The following LILRB1 variants were observed in gnomAD, a reference collection of about 807,000 sequenced individuals.
LILRB1 encodes leukocyte immunoglobulin like receptor B1, also known as leukocyte immunoglobulin-like receptor subfamily B member 1.
A neutral mutation model predicts 74.6 loss-of-function variants in LILRB1; 59 were observed. The ratio of observed to expected loss-of-function variants is 0.79; its 90% CI spans 0.64 to 0.98. LILRB1 has a LOEUF of 0.98. LILRB1 is among the 50% of genes least tolerant of loss of function. The pLI is 0.00. For synonymous variants in LILRB1, 328 were observed against 333.9 expected (o/e 0.98, Z 0.19); for missense variants, 804 against 822.6 (o/e 0.98, Z 0.28).
In LILRB1 at chr19:54,632,028, T is replaced by C. The variant is rs1482014567; in HGVS notation, c.452T>C (p.Phe151Ser). 1.9e-6 allele frequency: 3 copies of C among 1,614,098 alleles called. No homozygotes were observed. Among genetic ancestry groups the C allele is most frequent in the African/African-American group, 1.3e-5 (1 of 74,958 alleles). Residue 151 changes from phenylalanine (F) to serine (S), a missense_variant, in exon 5 of 15, where the codon TTT becomes TCT. By Grantham distance (155) the Phe-to-Ser change is radical. Transcript: ENST00000324602. ...CTCCAGTGTGACTCACAGGTGGCATTTGATGGCTTCATTCTGTGTAAGGAA... is the reference window on the plus strand; with the variant it reads ...CTCCAGTGTGACTCACAGGTGGCATCTGATGGCTTCATTCTGTGTAAGGAA... ...VTLQCDSQVA[F>S]DGFILCKEGE...
chr19:54,636,640 G>A lies in LILRB1; in HGVS notation c.1800G>A (p.Gln600=), dbSNP rs199541342. 1 of 1,611,040 alleles carries A rather than the reference G, an allele frequency of 6.2e-7. No homozygotes were observed. Among genetic ancestry groups the A allele is most frequent in the African/African-American group, 1.3e-5 (1 of 74,822 alleles). The change falls in exon 14 of 15, where the codon CAG becomes CAA. Residue 600 remains glutamine (Q), a synonymous_variant. Transcript: ENST00000324602. ...ACAGACAGGCGGAAGAGGACAGGCA[G>A]ATGGACACTGAGGTGAGTCCTTTCC... ...TKDRQAEEDR[Q]MDTEAAASEA...
upstream of LILRB1, among the ~76,000 whole-genome samples, chr19:54,627,519 C>T (rs2063628044): frequency 6.6e-6 from 1 of 152,200 alleles, no homozygotes; most frequent in African/African-American, 2.4e-5. Flanking sequence ...ATGTCCTTCA[C>T]CCCCTCCTGC....
intron 10 of LILRB1, 73 bp downstream of exon 10, chr19:54,634,836 C>T: frequency 1.3e-6 from 2 of 1,569,578 alleles, no homozygotes; most frequent in Non-Finnish European, 1.7e-6. Context: ...AGAATCCAAA[C>T]CACTGGGCAA....
At chr19:54,617,549 A>ATGTG (rs1244226423) in intron 1 of LILRB1, among the ~76,000 whole-genome samples, 1 of 98,542 alleles carries the variant, frequency 1.0e-5, no homozygotes, top group African/African-American at 3.7e-5. Context: ...AAGCTACAGG[A>ATGTG]TGTCTGTGTG....
At chr19:54,630,840 C>A in intron 1 of LILRB1, 186 bp from the exon 2 acceptor site, 1 of 829,056 alleles carries the variant, frequency 1.2e-6, no homozygotes, top group Non-Finnish European at 2.0e-6. Flanking sequence ...CAGGAAAGGG[C>A]CCATTACCAT....
At chr19:54,636,313 G>A (rs1438221073) in intron 13 of LILRB1, 181 bp from the exon 14 acceptor site, 1 of 1,263,720 alleles carries the variant, frequency 7.9e-7, no homozygotes, top group East Asian at 2.5e-5. Flanking sequence ...GGCAACGTCA[G>A]AGTGAGGAGC....
chr19:54,631,582 G>C lies in LILRB1; in HGVS notation c.153G>C (p.Gly51=). The part of the protein sequence containing the change: ...QGSPVTLRCQ[G]GQETQEYRLY... The stretch of plus-strand genomic sequence containing the variant: ...GTCCTGTGACCCTCAGGTGTCAGGG[G>C]GGCCAGGAGACCCAGGAGTACCGTC... Residue 51 remains glycine, a synonymous_variant, in exon 4 of 15, where the codon GGG becomes GGC. Transcript: ENST00000324602. 6 of 1,614,258 alleles carry C rather than the reference G, an allele frequency of 3.7e-6. No individual in the cohort carries two copies. Among genetic ancestry groups the C allele is most frequent in the Non-Finnish European group, 5.1e-6 (6 of 1,180,028 alleles).
At chr19:54,634,605 G>A (rs775689857) in intron 9 of LILRB1, 36 bp from the exon 10 acceptor site, 7 of 1,586,872 alleles carry the variant, frequency 4.4e-6, no homozygotes, top group Non-Finnish European at 8.6e-7. Flanking sequence ...TCATTTCAAT[G>A]ACATCACCCC....
Position 54,635,259 on chromosome 19 carries a change from G to T in LILRB1, c.1563G>T (p.Arg521Ser). Residue 521 changes from arginine (R) to serine (S), a missense_variant and splice_region_variant, in exon 12 of 15, where the codon AGG becomes AGT. By Grantham distance (110) the Arg-to-Ser change is moderately radical. Transcript: ENST00000324602. Reference protein sequence around the residue: ...PEPTDRGLQWRSSPAADAQEE... With the variant: ...PEPTDRGLQWSSSPAADAQEE... The stretch of plus-strand genomic sequence containing the variant: ...CCTAAAGCTCCCATTCTTCCCCCAG[G>T]TCCAGCCCAGCTGCCGATGCCCAGG... 1 of 1,612,318 alleles carries T rather than the reference G, an allele frequency of 6.2e-7. No individual in the cohort carries two copies.
upstream of LILRB1, among the ~76,000 whole-genome samples, chr19:54,627,405 CCCA>C (rs1325310498): frequency 1.8e-4 from 27 of 151,680 alleles, no homozygotes; most frequent in South Asian, 3.8e-3. Context: ...AAGCTCAGAC[CCCA>C]CAGGGCCAGG....
chr19:54,622,569 T>C lies in LILRB1; in HGVS notation c.-166+5220T>C, dbSNP rs1120181. On this transcript the variant is annotated intron_variant, in intron 1 of 15. Transcript: ENST00000396331. Reference sequence around the variant, plus strand: ...TCACTTACCAAGTCTACGAGTCTTCTGGAAGAATCTTCAGGGTTTTCTGGG... The same window carrying C: ...TCACTTACCAAGTCTACGAGTCTTCCGGAAGAATCTTCAGGGTTTTCTGGG... 9.1e-3 allele frequency among the ~76,000 whole-genome samples: 1,387 copies of C among 152,328 alleles called. 29 individuals are homozygous for C. Among genetic ancestry groups the C allele is most frequent in the African/African-American group, 0.032 (1,322 of 41,570 alleles).
intron 1 of LILRB1, among the ~76,000 whole-genome samples, chr19:54,622,812 T>A (rs8108712): frequency 0.58 from 88,894 of 151,982 alleles, 27,107 homozygotes; most frequent in South Asian, 0.69. Flanking sequence ...TGCGTTTGTC[T>A]TATAAGGCTC....
intron 7 of LILRB1, 113 bp downstream of exon 7, chr19:54,633,431 T>C: frequency 7.1e-7 from 1 of 1,415,508 alleles, no homozygotes; most frequent in South Asian, 1.4e-5. Context: ...GCTCAGCCAG[T>C]GGGAGACTCA....
In LILRB1 at chr19:54,633,327, C is replaced by T; in HGVS notation, c.1261+9C>T. On this transcript the variant is annotated intron_variant, in intron 7 of 14. Transcript: ENST00000324602. Reference sequence around the variant, plus strand: ...GGAGCTCGTGGTCTCAGGTGGGGGCCTTGACCCTGTCCTCTCTGAGCTCAA... The same window carrying T: ...GGAGCTCGTGGTCTCAGGTGGGGGCTTTGACCCTGTCCTCTCTGAGCTCAA... 1.9e-6 allele frequency: 3 copies of T among 1,612,022 alleles called. No individual in the cohort carries two copies. The highest frequency in any genetic ancestry group is 2.5e-6 in the Non-Finnish European group (3 of 1,178,676).
Position 54,632,536 on chromosome 19 carries a change from A to G in LILRB1, c.734A>G (p.Gln245Arg), listed in dbSNP as rs1193945064. Residue 245 changes from glutamine to arginine, a missense_variant, in exon 6 of 15, where the codon CAG (glutamine) becomes CGG (arginine). Physicochemically the swap from Gln to Arg is conservative, Grantham distance 43 (BLOSUM62 1). Transcript: ENST00000324602. ...GCCCCTGAGGAGACCCTGACTCTGC[A>G]GTGTGGCTCTGATGCTGGCTACAAC... ...IVAPEETLTL[Q>R]CGSDAGYNRF... 2 of 1,614,100 alleles carry G rather than the reference A, an allele frequency of 1.2e-6. No individual in the cohort carries two copies. Among genetic ancestry groups the G allele is most frequent in the Non-Finnish European group, 1.7e-6 (2 of 1,179,986 alleles).
chr19:54,617,589 G>GTGTGTGTGTGGTGT (rs58534340), intron 1 of LILRB1, among the ~76,000 whole-genome samples: 9 of 127,384 alleles, frequency 7.1e-5, no homozygotes, highest in African/African-American at 2.1e-4. Context: ...GTGTGTGTGT[G>GTGTGTGTGTGGTGT]GTGTGTGTGT....
At chr19:54,616,573 C>T (rs143582724), upstream of LILRB1, among the ~76,000 whole-genome samples, 3 of 152,080 alleles carry the variant, frequency 2.0e-5, no homozygotes, top group East Asian at 3.8e-4. Context: ...CTCCTGAGCC[C>T]CGACCTCCCT....
chr19:54,636,410 G>A lies in LILRB1; in HGVS notation c.1654-84G>A, dbSNP rs2064423845. Reference sequence around the variant, plus strand: ...ATTCCATCGGGAAAGGGATGTAATCGGATCACCCGGGGAACAGTGAGGAAA... The same window carrying A: ...ATTCCATCGGGAAAGGGATGTAATCAGATCACCCGGGGAACAGTGAGGAAA... On this transcript the variant is annotated intron_variant, in intron 13 of 14. Transcript: ENST00000324602. 11 of 1,572,936 alleles carry A rather than the reference G, an allele frequency of 7.0e-6. No homozygotes were observed. In the Admixed American group the frequency reaches 7.0e-5, roughly 10 times the overall value.
chr19:54,635,956 A>G (rs773358776), intron 13 of LILRB1: 3 of 578,060 alleles, frequency 5.2e-6, no homozygotes, highest in Non-Finnish European at 1.0e-5. Context: ...CTCACTGTGG[A>G]TGGGGCTCCC....
Sources: gnomAD v4.1 joint callset for allele counts (sites outside exome capture counted in the v4.1 genomes callset) on GRCh38, gnomAD v4.1.1 for gene constraint, MANE v1.5 for transcripts, NCBI Gene and HGNC (gene_info 2026-07-23, HGNC 2026-07-21) for gene names.